Variants in SPMIP3 observed in about 807,000 individuals in gnomAD.
SPMIP3 encodes the protein sperm microtubule inner protein 3, also known as protein SPMIP3.
the SPMIP3 span, among the ~76,000 whole-genome samples, chr1:244,382,133 C>T: frequency 6.6e-6 from 1 of 152,008 alleles, no homozygotes; most frequent in South Asian, 2.1e-4. Context: ...TGCTATCTGC[C>T]GAATACAGTG....
At chr1:244,378,949 G>A in the SPMIP3 span, among the ~76,000 whole-genome samples, 2 of 150,872 alleles carry the variant, frequency 1.3e-5, no homozygotes, top group Admixed American at 6.6e-5. Context: ...ATTTTTTTGA[G>A]ACGGAGTCTC....
At chr1:244,385,235 T>C in the SPMIP3 span, among the ~76,000 whole-genome samples, 1 of 152,204 alleles carries the variant, frequency 6.6e-6, no homozygotes, top group Admixed American at 6.5e-5. Flanking sequence ...AAGGTATGTC[T>C]AGATTAGCAA....
chr1:244,352,790 G>A, the SPMIP3 span: 1 of 152,190 alleles, frequency 6.6e-6, no homozygotes, highest in South Asian at 2.1e-4. Context: ...TTTAGAGGTT[G>A]CATTACTAAA....
At chr1:244,359,792 A>G in the SPMIP3 span, among the ~76,000 whole-genome samples, 2 of 151,994 alleles carry the variant, frequency 1.3e-5, no homozygotes, top group Non-Finnish European at 2.9e-5. Context: ...GAAGACACAT[A>G]AATGGCTAAC....
At chr1:244,353,071 G>A in the SPMIP3 span, among the ~76,000 whole-genome samples, 1 of 152,196 alleles carries the variant, frequency 6.6e-6, no homozygotes, top group African/African-American at 2.4e-5. Flanking sequence ...TGAGTTAGCT[G>A]ATCGATTGAT....
At chr1:244,358,019 T>C in the SPMIP3 span, among the ~76,000 whole-genome samples, 11 of 151,810 alleles carry the variant, frequency 7.2e-5, no homozygotes, top group African/African-American at 2.4e-4. Context: ...GCCCAGGAGG[T>C]TGAGACCAGC....
chr1:244,378,426 T>C, the SPMIP3 span: 1 of 1,563,574 alleles, frequency 6.4e-7, no homozygotes, highest in Non-Finnish European at 8.7e-7. Flanking sequence ...GACTGCTTTT[T>C]TCTACTGGCT....
At chr1:244,376,970 G>A in the SPMIP3 span, among the ~76,000 whole-genome samples, 4 of 151,516 alleles carry the variant, frequency 2.6e-5, no homozygotes, top group Non-Finnish European at 4.4e-5. Context: ...CATCACGCTC[G>A]GCTAATTTTG....
At chr1:244,379,922 C>G in the SPMIP3 span, among the ~76,000 whole-genome samples, 1 of 150,506 alleles carries the variant, frequency 6.6e-6, no homozygotes, top group Admixed American at 6.6e-5. Flanking sequence ...GAGCCGAGAT[C>G]GTGCGACTGC....
At chr1:244,368,572 T>C in the SPMIP3 span, among the ~76,000 whole-genome samples, 1 of 152,250 alleles carries the variant, frequency 6.6e-6, no homozygotes, top group African/African-American at 2.4e-5. Flanking sequence ...CTCACTATCA[T>C]GACCTCTGCC....
chr1:244,382,449 A>G, the SPMIP3 span, among the ~76,000 whole-genome samples: 1 of 152,164 alleles, frequency 6.6e-6, no homozygotes, highest in Admixed American at 6.6e-5. Flanking sequence ...TGAGGAATAG[A>G]AAGGAGACCA....
the SPMIP3 span, among the ~76,000 whole-genome samples, chr1:244,377,750 T>C: frequency 6.6e-6 from 1 of 152,184 alleles, no homozygotes; most frequent in Non-Finnish European, 1.5e-5. Context: ...AAGGTTGTAA[T>C]GATTTCAGGT....
the SPMIP3 span, among the ~76,000 whole-genome samples, chr1:244,372,477 T>C: frequency 6.7e-6 from 1 of 149,988 alleles, no homozygotes; most frequent in Non-Finnish European, 1.5e-5. Flanking sequence ...GGAGTCTCAC[T>C]CTGTCCCCCA....
the SPMIP3 span, among the ~76,000 whole-genome samples, chr1:244,381,009 G>C: frequency 6.6e-6 from 1 of 152,050 alleles, no homozygotes; most frequent in Non-Finnish European, 1.5e-5. Flanking sequence ...CTGGGGAGGA[G>C]GCTGGGGCTG....
At chr1:244,384,860 T>G in the SPMIP3 span, among the ~76,000 whole-genome samples, 1 of 152,106 alleles carries the variant, frequency 6.6e-6, no homozygotes, top group Non-Finnish European at 1.5e-5. Flanking sequence ...AATATTAAGT[T>G]GTTTATCAAA....
At chr1:244,377,429 A>C in the SPMIP3 span, among the ~76,000 whole-genome samples, 1 of 152,132 alleles carries the variant, frequency 6.6e-6, no homozygotes. Flanking sequence ...CCACAGCATC[A>C]CTTTTAATGG....
chr1:244,356,899 CTTCTT>C, the SPMIP3 span, among the ~76,000 whole-genome samples: 10 of 142,650 alleles, frequency 7.0e-5, no homozygotes, highest in South Asian at 9.4e-4. Context: ...CCTTCCCTTT[CTTCTT>C]TTCTTTTCTT....
chr1:244,360,250 C>T, the SPMIP3 span, among the ~76,000 whole-genome samples: 1 of 152,064 alleles, frequency 6.6e-6, no homozygotes. Flanking sequence ...GAAAGGGGAA[C>T]CTTCATACGC....
chr1:244,361,142 A>G, the SPMIP3 span, among the ~76,000 whole-genome samples: 1 of 152,116 alleles, frequency 6.6e-6, no homozygotes, highest in Non-Finnish European at 1.5e-5. Flanking sequence ...AATGGAACAA[A>G]AATACAGTTA....
Sources: gnomAD v4.1 joint callset for allele counts (sites outside exome capture counted in the v4.1 genomes callset) on GRCh38, gnomAD v4.1.1 for gene constraint, MANE v1.5 for transcripts, NCBI Gene and HGNC (gene_info 2026-07-23, HGNC 2026-07-21) for gene names.